Variants in GABRR2 observed in about 807,000 individuals in gnomAD.
GABRR2 encodes the protein gamma-aminobutyric acid receptor subunit rho-2.
GABRR2 carries 36 observed loss-of-function variants against 47.0 expected under a neutral mutation model. That is an observed-to-expected ratio of 0.77 (90% confidence interval 0.59 to 1.01). GABRR2 has a LOEUF of 1.01. Ranked by LOEUF, GABRR2 falls within the 50% of genes least tolerant of loss-of-function variation. The probability of loss-of-function intolerance (pLI) is 0.00; values close to 1 mark genes in which losing one functional copy is unlikely to be tolerated. For missense variants in GABRR2, 587 were observed against 594.6 expected (o/e 0.99, Z 0.13); for synonymous variants, 204 against 227.5 (o/e 0.90, Z 0.93).
At chr6:89,279,369 G>A (rs1051413633) in intron 2 of GABRR2, among the ~76,000 whole-genome samples, 1 of 152,180 alleles carries the variant, frequency 6.6e-6, no homozygotes, top group African/African-American at 2.4e-5. Flanking sequence ...AAAAAAGTGT[G>A]CATGCGTGTG....
chr6:89,302,422 C>A, intron 1 of GABRR2: 1 of 567,952 alleles, frequency 1.8e-6, no homozygotes. Context: ...CACCCTCAGG[C>A]TGGCCACGCC....
chr6:89,259,894 TTTTTG>T (rs1301797802), intron 8 of GABRR2, among the ~76,000 whole-genome samples: 15 of 148,570 alleles, frequency 1.0e-4, no homozygotes, highest in African/African-American at 3.5e-4. Context: ...TTTTTTTTTT[TTTTTG>T]TTTTTTTTGT....
intron 2 of GABRR2, among the ~76,000 whole-genome samples, chr6:89,297,043 C>T (rs768480797): frequency 5.9e-5 from 9 of 152,206 alleles, no homozygotes; most frequent in East Asian, 1.9e-4. Context: ...ACACATTGTT[C>T]GGAATAGCAC....
intron 2 of GABRR2, among the ~76,000 whole-genome samples, chr6:89,290,196 G>A (rs974469673): frequency 1.3e-5 from 2 of 152,248 alleles, no homozygotes; most frequent in Non-Finnish European, 2.9e-5. Context: ...GAATGGCTCA[G>A]TCCAGCTTCA....
At chr6:89,283,557 A>G (rs1248060260) in intron 2 of GABRR2, among the ~76,000 whole-genome samples, 2 of 152,258 alleles carry the variant, frequency 1.3e-5, no homozygotes, top group African/African-American at 4.8e-5. Context: ...CAACGAGAGT[A>G]TATATAGCCA....
intron 2 of GABRR2, among the ~76,000 whole-genome samples, chr6:89,273,629 A>G (rs1304524789): frequency 6.6e-6 from 1 of 152,170 alleles, no homozygotes; most frequent in Non-Finnish European, 1.5e-5. Context: ...GGGCTTACCA[A>G]TTAACCTATC....
intron 1 of GABRR2, among the ~76,000 whole-genome samples, chr6:89,306,319 G>A (rs543234240): frequency 2.6e-5 from 4 of 151,870 alleles, no homozygotes; most frequent in Non-Finnish European, 5.9e-5. Flanking sequence ...TGAGGTTGCA[G>A]TGAGCATTCT....
At chr6:89,296,902 C>T (rs1774564426) in intron 2 of GABRR2, among the ~76,000 whole-genome samples, 1 of 152,234 alleles carries the variant, frequency 6.6e-6, no homozygotes, top group African/African-American at 2.4e-5. Flanking sequence ...AACCTAAGTT[C>T]TGCCTCTGGC....
intron 4 of GABRR2, among the ~76,000 whole-genome samples, chr6:89,268,656 C>CT (rs1409110040): frequency 6.7e-6 from 1 of 148,268 alleles, no homozygotes; most frequent in Non-Finnish European, 1.5e-5. Flanking sequence ...TTTTGGGGGA[C>CT]GGGGGGGGGC....
chr6:89,281,472 C>T (rs1562370476), intron 2 of GABRR2, among the ~76,000 whole-genome samples: 1 of 152,054 alleles, frequency 6.6e-6, no homozygotes, highest in African/African-American at 2.4e-5. Context: ...TAACAGGTAG[C>T]GGGAGGAAGA....
intron 3 of GABRR2, among the ~76,000 whole-genome samples, chr6:89,269,749 CA>C (rs1774004400): frequency 1.3e-5 from 2 of 152,190 alleles, no homozygotes; most frequent in African/African-American, 2.4e-5. Flanking sequence ...TAGTGCCTGG[CA>C]AAGCACAGAG....
intron 2 of GABRR2, among the ~76,000 whole-genome samples, chr6:89,276,231 A>C (rs1312963754): frequency 1.3e-5 from 2 of 150,690 alleles, no homozygotes; most frequent in East Asian, 3.9e-4. Flanking sequence ...AACCAGCAGG[A>C]AAATAAAGAA....
intron 2 of GABRR2, among the ~76,000 whole-genome samples, chr6:89,273,229 G>A (rs1466025377): frequency 6.6e-6 from 1 of 152,134 alleles, no homozygotes; most frequent in Non-Finnish European, 1.5e-5. Flanking sequence ...TGCTCTGACA[G>A]TCGTCCGTAT....
At chr6:89,298,673 C>G (rs1274829257) in intron 2 of GABRR2, among the ~76,000 whole-genome samples, 5 of 152,240 alleles carry the variant, frequency 3.3e-5, no homozygotes. Flanking sequence ...CTCATACATT[C>G]TGCTATTCTT....
At chr6:89,301,026 C>G (rs1353538386) in intron 1 of GABRR2, among the ~76,000 whole-genome samples, 1 of 152,078 alleles carries the variant, frequency 6.6e-6, no homozygotes, top group East Asian at 1.9e-4. Context: ...AGCAGCCCAC[C>G]AAAAAGTGAA....
At chr6:89,272,402 C>A (rs1385222807) in intron 2 of GABRR2, among the ~76,000 whole-genome samples, 1 of 152,220 alleles carries the variant, frequency 6.6e-6, no homozygotes, top group East Asian at 1.9e-4. Context: ...CTGTGGGGTC[C>A]TGTCCTTTTC....
At chr6:89,301,831 G>A (rs941870328) in intron 1 of GABRR2, 18 of 1,040,516 alleles carry the variant, frequency 1.7e-5, no homozygotes, top group African/African-American at 1.4e-4. Flanking sequence ...CAACTAGATC[G>A]GGGCCAAGTT....
chr6:89,255,983 T>C lies in GABRR2; in HGVS notation c.*1687A>G, dbSNP rs1268644729. ...TGGACTGCAGTGGCTTGATCACAGC[T>C]CACGGCAGCCTGGAATTCCTGGGCT... is the stretch of plus-strand genomic sequence containing the variant. On this transcript the variant is annotated 3_prime_UTR_variant, in exon 9 of 9. Transcript: ENST00000402938. 6.6e-6 allele frequency among the ~76,000 whole-genome samples: 1 copy of C among 151,856 alleles called. No individual in the cohort carries two copies. Among genetic ancestry groups the C allele is most frequent in the Non-Finnish European group, 1.5e-5 (1 of 67,970 alleles).
intron 2 of GABRR2, among the ~76,000 whole-genome samples, chr6:89,287,791 A>G (rs1236776587): frequency 6.6e-6 from 1 of 152,242 alleles, no homozygotes; most frequent in African/African-American, 2.4e-5. Flanking sequence ...TGTGTTATGC[A>G]GAACATTCTT....
Sources: allele counts gnomAD v4.1 joint callset (sites outside exome capture counted in the v4.1 genomes callset), GRCh38; gene constraint gnomAD v4.1.1; transcripts MANE v1.5; gene names NCBI Gene and HGNC (gene_info 2026-07-23, HGNC 2026-07-21).